Variants in SLC2A13 observed in about 807,000 individuals in gnomAD.
SLC2A13 encodes the protein solute carrier family 2 member 13.
In SLC2A13, 32 loss-of-function variants were observed where a neutral mutation model predicts 64.4. The observed-to-expected ratio is 0.50, with a 90% CI of 0.37 to 0.67. The LOEUF is 0.67. Among genes scored for constraint, SLC2A13 ranks in the 30% least tolerant of loss-of-function variants. SLC2A13 has a pLI of 0.00. For missense variants in SLC2A13, 743 were observed against 829.2 expected (o/e 0.90, Z 1.28); for synonymous variants, 338 against 327.1 (o/e 1.03, Z -0.36).
At chr12:40,037,547 C>A (rs558287351) in intron 2 of SLC2A13, among the ~76,000 whole-genome samples, 1 of 147,278 alleles carries the variant, frequency 6.8e-6, no homozygotes, top group African/African-American at 2.5e-5. Flanking sequence ...TGAGCCTAGG[C>A]GGTCAATGCT....
chr12:39,981,336 G>A (rs1161527245), intron 3 of SLC2A13, among the ~76,000 whole-genome samples: 1 of 151,976 alleles, frequency 6.6e-6, no homozygotes, highest in African/African-American at 2.4e-5. Flanking sequence ...GAGCAGAACT[G>A]AAGGAAATAG....
chr12:39,953,846 T>C (rs1259670271), intron 3 of SLC2A13, among the ~76,000 whole-genome samples: 1 of 152,128 alleles, frequency 6.6e-6, no homozygotes, highest in Non-Finnish European at 1.5e-5. Context: ...GTAACTTGCA[T>C]AAGGTTGTCC....
chr12:39,853,249 T>G (rs568759878), intron 6 of SLC2A13, among the ~76,000 whole-genome samples: 174 of 152,272 alleles, frequency 1.1e-3, no homozygotes, highest in Non-Finnish European at 2.1e-3. Context: ...GGGCTTGATA[T>G]CCTTTGTGGA....
At chr12:40,073,340 A>C (rs1263039419) in intron 1 of SLC2A13, among the ~76,000 whole-genome samples, 3 of 152,140 alleles carry the variant, frequency 2.0e-5, no homozygotes, top group African/African-American at 7.2e-5. Flanking sequence ...ACTGGGGGGA[A>C]ATGAACCATA....
chr12:39,812,342 C>CTTTTCTTTTCTTTTCTTTTA (rs1566818783), intron 7 of SLC2A13, among the ~76,000 whole-genome samples: 1 of 42,970 alleles, frequency 2.3e-5, no homozygotes, highest in African/African-American at 7.1e-5. Context: ...TTTCTTTTTT[C>CTTTTCTTTTCTTTTCTTTTA]TTTTCTTTTC....
At chr12:39,809,382 T>C (rs2135801654) in intron 7 of SLC2A13, among the ~76,000 whole-genome samples, 1 of 152,312 alleles carries the variant, frequency 6.6e-6, no homozygotes, top group East Asian at 1.9e-4. Context: ...CCATTCCAGT[T>C]CTTTTGCATT....
intron 4 of SLC2A13, among the ~76,000 whole-genome samples, chr12:39,899,793 G>C (rs1226696465): frequency 6.6e-6 from 1 of 152,096 alleles, no homozygotes; most frequent in Non-Finnish European, 1.5e-5. Flanking sequence ...GAGCAGTTTT[G>C]AGTGAGTTTC....
chr12:40,033,797 G>A (rs1172613130), intron 2 of SLC2A13, among the ~76,000 whole-genome samples: 4 of 151,952 alleles, frequency 2.6e-5, no homozygotes, highest in South Asian at 2.1e-4. Flanking sequence ...AAAAATATTC[G>A]ACTGCAAGAT....
chr12:39,883,887 G>A (rs775113943), intron 4 of SLC2A13, among the ~76,000 whole-genome samples: 2 of 152,142 alleles, frequency 1.3e-5, no homozygotes, highest in African/African-American at 2.4e-5. Flanking sequence ...GTATATTCAC[G>A]TAGAATCTCA....
At chr12:40,050,966 G>A (rs1245546311) in intron 1 of SLC2A13, among the ~76,000 whole-genome samples, 1 of 152,132 alleles carries the variant, frequency 6.6e-6, no homozygotes, top group Non-Finnish European at 1.5e-5. Flanking sequence ...GCTTACAGAA[G>A]GTAGTCAATA....
chr12:39,951,634 A>G lies in SLC2A13; in HGVS notation c.926-269T>C, dbSNP rs77969260. On this transcript the variant is annotated intron_variant, in intron 3 of 9. Transcript: ENST00000280871. Reference sequence around the variant, plus strand: ...AATTTATGGGTACTAGAAGACCTATATAACTAAAACTGTCAAATTAGTCTT... The same window carrying G: ...AATTTATGGGTACTAGAAGACCTATGTAACTAAAACTGTCAAATTAGTCTT... Among the ~76,000 whole-genome samples, 87 of 152,352 alleles carry G rather than the reference A, an allele frequency of 5.7e-4. No individual in the cohort carries two copies. In the East Asian group the frequency reaches 0.016, roughly 27 times the overall value.
chr12:40,098,918 T>G (rs908291335), intron 1 of SLC2A13, among the ~76,000 whole-genome samples: 18 of 152,184 alleles, frequency 1.2e-4, no homozygotes, highest in Non-Finnish European at 1.5e-5. Flanking sequence ...CTCCTCCCAG[T>G]GCAGCGGCAG....
At chr12:40,002,544 T>C (rs1452064883) in intron 3 of SLC2A13, among the ~76,000 whole-genome samples, 4 of 152,230 alleles carry the variant, frequency 2.6e-5, no homozygotes, top group African/African-American at 9.6e-5. Flanking sequence ...AATGAGGTCA[T>C]GGAATTTCCT....
chr12:39,944,085 T>A (rs1318979963), intron 4 of SLC2A13, among the ~76,000 whole-genome samples: 5 of 152,378 alleles, frequency 3.3e-5, no homozygotes, highest in African/African-American at 1.2e-4. Context: ...ATTTCCATGT[T>A]GATGTCATTT....
rs189899955 is a variant in SLC2A13, at chr12:39,773,373, G to A, written c.1446-8515C>T. 1.3e-3 allele frequency among the ~76,000 whole-genome samples: 193 copies of A among 152,118 alleles called. 1 individual carries two copies. Among genetic ancestry groups the A allele is most frequent in the Non-Finnish European group, 1.7e-3 (114 of 67,992 alleles). On this transcript the variant is annotated intron_variant, in intron 7 of 9. Transcript: ENST00000280871. Reference sequence around the variant, plus strand: ...TGATATACAGACCAAATAAATAATCGGTTCCCTGTTCCAATCATGGAATAC... The same window carrying A: ...TGATATACAGACCAAATAAATAATCAGTTCCCTGTTCCAATCATGGAATAC...
chr12:39,960,085 T>C (rs1317464668), intron 3 of SLC2A13, among the ~76,000 whole-genome samples: 2 of 152,224 alleles, frequency 1.3e-5, no homozygotes, highest in Non-Finnish European at 2.9e-5. Flanking sequence ...GCCACTTTTT[T>C]TTCCTATATG....
intron 4 of SLC2A13, among the ~76,000 whole-genome samples, chr12:39,885,393 A>G (rs1205383399): frequency 6.6e-6 from 1 of 152,176 alleles, no homozygotes; most frequent in East Asian, 1.9e-4. Context: ...TTATTCAGTC[A>G]TCTAACATGT....
intron 7 of SLC2A13, among the ~76,000 whole-genome samples, chr12:39,819,563 C>A (rs1003983951): frequency 6.6e-6 from 1 of 152,072 alleles, no homozygotes; most frequent in Non-Finnish European, 1.5e-5. Flanking sequence ...TTTCATTTAC[C>A]TTTTCTCTCA....
At chr12:40,049,759 G>C (rs1948225547) in intron 1 of SLC2A13, among the ~76,000 whole-genome samples, 2 of 152,106 alleles carry the variant, frequency 1.3e-5, no homozygotes, top group Non-Finnish European at 1.5e-5. Context: ...ATACATAGAT[G>C]AACAGATAGG....
Sources: gnomAD v4.1 joint callset for allele counts (sites outside exome capture counted in the v4.1 genomes callset) on GRCh38, gnomAD v4.1.1 for gene constraint, MANE v1.5 for transcripts, NCBI Gene and HGNC (gene_info 2026-07-23, HGNC 2026-07-21) for gene names.